SPATA22: variants seen among roughly 807,000 people sequenced by gnomAD.
SPATA22 encodes the protein spermatogenesis associated 22.
A neutral mutation model predicts 47.8 loss-of-function variants in SPATA22; 29 were observed. The ratio of observed to expected loss-of-function variants is 0.61; its 90% CI spans 0.45 to 0.83. The LOEUF (loss-of-function observed/expected upper bound fraction) is 0.83, where lower values mean the gene tolerates loss of function less well. Among genes scored for constraint, SPATA22 ranks in the 40% least tolerant of loss-of-function variants. The probability of loss-of-function intolerance (pLI) is 0.00; values close to 1 mark genes in which losing one functional copy is unlikely to be tolerated. For missense variants in SPATA22, 410 were observed against 421.7 expected, an observed-to-expected ratio of 0.97 and a Z score of 0.24; for synonymous variants, 133 against 140.9, an observed-to-expected ratio of 0.94 and a Z score of 0.40.
At chr17:3,465,788 T>A (rs1597408948) in intron 3 of SPATA22, among the ~76,000 whole-genome samples, 2 of 54,138 alleles carry the variant, frequency 3.7e-5, no homozygotes, top group Non-Finnish European at 1.1e-4. Context: ...AAAATAAAAA[T>A]TTAAAAAACA....
chr17:3,506,673 C>T (rs2074043027), intron 1 of SPATA22, among the ~76,000 whole-genome samples: 1 of 152,228 alleles, frequency 6.6e-6, no homozygotes. Flanking sequence ...GGGCCACGCA[C>T]AGGGACCTGT....
chr17:3,487,453 A>G (rs1346798920), intron 1 of SPATA22, among the ~76,000 whole-genome samples: 1 of 152,214 alleles, frequency 6.6e-6, no homozygotes, highest in African/African-American at 2.4e-5. Flanking sequence ...GGCCAAACAT[A>G]TCAGCAATGT....
chr17:3,469,894 G>C (rs138930552), intron 1 of SPATA22, among the ~76,000 whole-genome samples: 1 of 152,060 alleles, frequency 6.6e-6, no homozygotes, highest in Non-Finnish European at 1.5e-5. Context: ...AGGAGTTCAA[G>C]ACCAGCCTGG....
chr17:3,494,199 TCA>T (rs756827563), intron 1 of SPATA22: 171 of 638,488 alleles, frequency 2.7e-4, no homozygotes, highest in African/African-American at 2.0e-3. Flanking sequence ...GAGATGGGGT[TCA>T]CCATGTTGGC....
chr17:3,471,824 T>A (rs2073444999), upstream of SPATA22: 1 of 985,334 alleles, frequency 1.0e-6, no homozygotes, highest in Non-Finnish European at 1.2e-6. Flanking sequence ...GGAATCAGGC[T>A]GTTCGCAGGC....
In SPATA22 at chr17:3,452,411, A is replaced by G. The variant is rs1297772848; in HGVS notation, c.330-3262T>C. Reference sequence around the variant, plus strand: ...GATCGAGACCATCCTGGCCAACATGATGAAACCCCGTCTCTACTAAAAATA... The same window carrying G: ...GATCGAGACCATCCTGGCCAACATGGTGAAACCCCGTCTCTACTAAAAATA... On this transcript the variant is annotated intron_variant, in intron 5 of 8. Coordinates refer to ENST00000572969, the MANE Select transcript of SPATA22 (RefSeq NM_001170698.2). Among the ~76,000 whole-genome samples the G allele has an allele frequency of 2.0e-5, 3 of 151,588 alleles. No homozygotes were observed. In the South Asian group the frequency reaches 6.3e-4, roughly 32 times the overall value.
chr17:3,454,435 G>T (rs1484176231), intron 5 of SPATA22, among the ~76,000 whole-genome samples: 1 of 151,972 alleles, frequency 6.6e-6, no homozygotes, highest in African/African-American at 2.4e-5. Context: ...ATCTCCTAAT[G>T]CTATCCCTCC....
At chr17:3,483,374 T>C in intron 1 of SPATA22, 1 of 799,828 alleles carries the variant, frequency 1.3e-6, no homozygotes, top group Non-Finnish European at 2.2e-6. Context: ...AAGTATTTCA[T>C]AAAGCTGTCT....
chr17:3,462,795 A>T (rs750596790), intron 3 of SPATA22, 28 bp from the exon 4 acceptor site: 4 of 1,514,022 alleles, frequency 2.6e-6, no homozygotes, highest in Non-Finnish European at 3.7e-6. Flanking sequence ...ACATAGATAA[A>T]AGTAAGATAG....
rs964189449 is a variant in SPATA22, at chr17:3,509,172, T to G, written c.-74+4240A>C. ...ATAATTTGACAGCCAACAGCCATGA[T>G]GGATAGAGCCCTCATTTTTTTTATT... On this transcript the variant is annotated intron_variant, in intron 1 of 8. Coordinates refer to the SPATA22 transcript ENST00000541913. 2.0e-5 allele frequency among the ~76,000 whole-genome samples: 3 copies of G among 151,934 alleles called. No individual in the cohort carries two copies. In the South Asian group the frequency reaches 6.2e-4, roughly 32 times the overall value.
chr17:3,462,778 A>G lies in SPATA22; in HGVS notation c.173-11T>C, dbSNP rs529909750. 12 of 1,595,068 alleles carry G rather than the reference A, an allele frequency of 7.5e-6. No homozygotes were observed. The highest frequency in any genetic ancestry group is 6.7e-5 in the East Asian group (3 of 44,758). ...CTTCCCAGGCCCAATCTCAAAAGAT[A>G]TAAGTAACATAGATAAAAGTAAGAT... On this transcript the variant is annotated splice_polypyrimidine_tract_variant and intron_variant, in intron 3 of 8. Coordinates refer to ENST00000572969, the MANE Select transcript of SPATA22 (RefSeq NM_001170698.2).
intron 4 of SPATA22, 40 bp downstream of exon 4, chr17:3,462,667 T>C: frequency 6.3e-7 from 1 of 1,579,152 alleles, no homozygotes; most frequent in Non-Finnish European, 8.7e-7. Context: ...CATCAGTTAG[T>C]AACAGACACA....
At chr17:3,482,764 G>A (rs989973932) in intron 1 of SPATA22, among the ~76,000 whole-genome samples, 8 of 143,260 alleles carry the variant, frequency 5.6e-5, no homozygotes, top group Admixed American at 4.4e-4. Flanking sequence ...ATAATGTAGC[G>A]ATTCTTTTTT....
intron 8 of SPATA22, chr17:3,440,588 A>T: frequency 3.3e-6 from 1 of 298,570 alleles, no homozygotes; most frequent in East Asian, 5.8e-5. Flanking sequence ...AAGACTGAAT[A>T]ATCCCCAGTG....
At chr17:3,511,360 A>AT (rs1217539692) in intron 1 of SPATA22, 2 of 152,220 alleles carry the variant, frequency 1.3e-5, no homozygotes, top group Non-Finnish European at 2.9e-5. Context: ...AAATAAATAA[A>AT]TAATGGCTCA....
chr17:3,510,752 C>T (rs978697358), intron 1 of SPATA22: 6 of 152,216 alleles, frequency 3.9e-5, no homozygotes, highest in Non-Finnish European at 8.8e-5. Context: ...TCAAGTACGG[C>T]TTACAGGCCC....
At chr17:3,458,882 T>TAAAAAAAAAAAAAAAAAAAAAAA (rs2073059726) in intron 5 of SPATA22, among the ~76,000 whole-genome samples, 1 of 66,258 alleles carries the variant, frequency 1.5e-5, no homozygotes, top group Non-Finnish European at 3.9e-5. Context: ...AAAAAAAAAT[T>TAAAAAAAAAAAAAAAAAAAAAAA]CCAAGATACG....
chr17:3,503,578 T>C (rs2074014733), intron 1 of SPATA22, among the ~76,000 whole-genome samples: 1 of 152,190 alleles, frequency 6.6e-6, no homozygotes, highest in South Asian at 2.1e-4. Context: ...TAGTTATTTG[T>C]AAAATTTACA....
At chr17:3,472,542 G>T (rs2073458936), upstream of SPATA22, 1 of 152,262 alleles carries the variant, frequency 6.6e-6, no homozygotes, top group South Asian at 2.1e-4. Context: ...ACTAGAAGAT[G>T]AAATAGACAA....
Sources: allele counts gnomAD v4.1 joint callset (sites outside exome capture counted in the v4.1 genomes callset), GRCh38; gene constraint gnomAD v4.1.1; transcripts MANE v1.5; gene names NCBI Gene and HGNC (gene_info 2026-07-23, HGNC 2026-07-21).